TMCO1: variants seen among roughly 807,000 people sequenced by gnomAD.
TMCO1 encodes transmembrane and coiled-coil domains 1.
A neutral mutation model predicts 29.3 loss-of-function variants in TMCO1; 29 were observed. The ratio of observed to expected loss-of-function variants is 0.99; its 90% CI spans 0.74 to 1.35. The LOEUF (loss-of-function observed/expected upper bound fraction) is 1.35, where lower values mean the gene tolerates loss of function less well. Among genes scored for constraint, TMCO1 ranks in the 40% most tolerant of loss-of-function variants. The probability of loss-of-function intolerance (pLI) is 0.00; values close to 1 mark genes in which losing one functional copy is unlikely to be tolerated. For missense variants in TMCO1, 173 were observed against 225.5 expected (o/e 0.77, Z 1.49); for synonymous variants, 80 against 77.1 (o/e 1.04, Z -0.20).
intron 4 of TMCO1, among the ~76,000 whole-genome samples, chr1:165,753,463 ACT>A (rs1293776145): frequency 8.4e-6 from 1 of 118,504 alleles, no homozygotes; most frequent in African/African-American, 3.2e-5. Context: ...ATAGAGCAAG[ACT>A]CTGTCTCAAA....
chr1:165,768,427 AAAC>A (rs1226297977), intron 1 of TMCO1, 158 bp from the exon 2 acceptor site: 1 of 1,520,620 alleles, frequency 6.6e-7, no homozygotes, highest in Non-Finnish European at 8.9e-7. Flanking sequence ...TCTTCAGCCA[AAAC>A]AACAGTAACA....
At chr1:165,758,292 C>G (rs1453483999) in intron 3 of TMCO1, among the ~76,000 whole-genome samples, 10 of 152,158 alleles carry the variant, frequency 6.6e-5, no homozygotes, top group Admixed American at 5.9e-4. Flanking sequence ...CATAGTGGCT[C>G]ATGTCTACAA....
intron 6 of TMCO1, among the ~76,000 whole-genome samples, chr1:165,741,598 T>C (rs1651598210): frequency 6.6e-6 from 1 of 152,206 alleles, no homozygotes; most frequent in South Asian, 2.1e-4. Context: ...GGGATATGAA[T>C]TGGGAAAAAA....
chr1:165,751,181 T>C (rs541526512), intron 5 of TMCO1, among the ~76,000 whole-genome samples: 1 of 152,346 alleles, frequency 6.6e-6, no homozygotes, highest in East Asian at 1.9e-4. Flanking sequence ...AACAGTAATT[T>C]ACCTTATCAT....
At chr1:165,755,538 G>T (rs1166708916) in intron 3 of TMCO1, among the ~76,000 whole-genome samples, 4 of 152,060 alleles carry the variant, frequency 2.6e-5, no homozygotes, top group Non-Finnish European at 5.9e-5. Context: ...AGGCATGGTG[G>T]TATATGCCTG....
intron 5 of TMCO1, among the ~76,000 whole-genome samples, chr1:165,749,570 T>A (rs769630114): frequency 1.3e-5 from 2 of 152,150 alleles, no homozygotes; most frequent in Non-Finnish European, 2.9e-5. Context: ...AGGCCAGAGG[T>A]AGGGATCACT....
At chr1:165,739,283 G>A (rs767586096) in intron 6 of TMCO1, among the ~76,000 whole-genome samples, 3 of 152,170 alleles carry the variant, frequency 2.0e-5, no homozygotes, top group Non-Finnish European at 2.9e-5. Context: ...TTGCCGATCC[G>A]CACTGAAAAT....
At chr1:165,758,026 A>C (rs1038398083) in intron 3 of TMCO1, among the ~76,000 whole-genome samples, 1 of 146,150 alleles carries the variant, frequency 6.8e-6, no homozygotes, top group Non-Finnish European at 1.5e-5. Context: ...TGCATTCTCA[A>C]TGTCTGCATT....
intron 4 of TMCO1, 122 bp from the exon 5 acceptor site, chr1:165,752,291 G>A: frequency 1.4e-6 from 1 of 713,138 alleles, no homozygotes; most frequent in Non-Finnish European, 2.3e-6. Flanking sequence ...GTCTTGCTCT[G>A]TCTCCCAGGC....
chr1:165,733,672 G>T (rs1271085256), intron 6 of TMCO1, among the ~76,000 whole-genome samples: 1 of 152,114 alleles, frequency 6.6e-6, no homozygotes, highest in Non-Finnish European at 1.5e-5. Flanking sequence ...AAGATGCTAT[G>T]AAAGAAAATA....
chr1:165,747,350 T>C lies in TMCO1; in HGVS notation c.324-4039A>G, dbSNP rs185223258. Among the ~76,000 whole-genome samples, 341 of 151,714 alleles carry C rather than the reference T, an allele frequency of 2.2e-3. 5 individuals are homozygous for C. The highest frequency in any genetic ancestry group is 7.9e-3 in the African/African-American group (328 of 41,454). ...ACTAGAAAATATGAAATATTACTTATACTTATTTGGAAAGAAACTACAGAA... is the reference window on the plus strand; with the variant it reads ...ACTAGAAAATATGAAATATTACTTACACTTATTTGGAAAGAAACTACAGAA... On this transcript the variant is annotated intron_variant, in intron 5 of 6. Transcript: ENST00000367881.
chr1:165,725,301 C>T (rs1033147208), downstream of TMCO1: 1 of 453,872 alleles, frequency 2.2e-6, no homozygotes, highest in African/African-American at 2.0e-5. Flanking sequence ...GAAGCTCTAT[C>T]AATTGTCTGA....
downstream of TMCO1, chr1:165,724,775 G>A (rs1173419548): frequency 2.2e-6 from 1 of 453,624 alleles, no homozygotes; most frequent in African/African-American, 2.0e-5. Context: ...ATTATATTAA[G>A]GAATTGTCCA....
intron 2 of TMCO1, among the ~76,000 whole-genome samples, chr1:165,764,924 G>A (rs1026039448): frequency 2.6e-5 from 4 of 152,222 alleles, no homozygotes; most frequent in Non-Finnish European, 5.9e-5. Context: ...ACTAGGTGGT[G>A]ATGGGAGAAA....
downstream of TMCO1, chr1:165,724,733 C>G (rs755799728): frequency 2.2e-6 from 1 of 453,288 alleles, no homozygotes; most frequent in Non-Finnish European, 4.4e-6. Context: ...TTCCAAAAAA[C>G]TGCAAAAATT....
rs1381710071 is a variant in TMCO1 at position 165,727,448 on chromosome 1, T to C, written c.*575A>G. ...GAGTCAAGTATGGCAAAAAGTACAG[T>C]ACCTTAAAAACTTTTATTTTAGTCC... On this transcript the variant is annotated 3_prime_UTR_variant, in exon 7 of 7. Coordinates refer to ENST00000367881, the MANE Select transcript of TMCO1 (RefSeq NM_019026.6). The C allele has an allele frequency of 2.2e-6, 1 of 453,740 alleles. No individual in the cohort carries two copies. The highest frequency in any genetic ancestry group is 6.9e-4 in the Middle Eastern group (1 of 1,444). 28.1% of individuals were successfully genotyped at this position (453,740 alleles called of 1,614,324 possible). A position where few individuals can be genotyped will look rare whatever the true frequency, so the allele number is the denominator to read the frequency against.
chr1:165,739,092 A>T (rs12063717), intron 6 of TMCO1, among the ~76,000 whole-genome samples: 5,609 of 152,072 alleles, frequency 0.037, 328 homozygotes, highest in African/African-American at 0.13. Flanking sequence ...ACATATGAAA[A>T]TTTTTTGTGT....
rs1650963953 is a variant in TMCO1, at chr1:165,727,750, C to G, written c.*273G>C. The G allele has an allele frequency of 2.2e-6, 1 of 462,112 alleles. No individual in the cohort carries two copies. Among genetic ancestry groups the G allele is most frequent in the Admixed American group, 2.3e-5 (1 of 42,714 alleles). The allele number at this position is 462,112 out of a possible 1,614,324, so 28.6% of individuals were successfully genotyped here. A position where few individuals can be genotyped will look rare whatever the true frequency, so the allele number is the denominator to read the frequency against. Reference sequence around the variant, plus strand: ...ACAGAAAATACTTATGTAAATGAAACAAGAAGGATGCTATTTGTTTTTCAT... The same window carrying G: ...ACAGAAAATACTTATGTAAATGAAAGAAGAAGGATGCTATTTGTTTTTCAT... On this transcript the variant is annotated 3_prime_UTR_variant, in exon 7 of 7. Coordinates refer to ENST00000367881, the MANE Select transcript of TMCO1 (RefSeq NM_019026.6).
Position 165,768,688 on chromosome 1 carries a change from C to A in TMCO1, c.64G>T (p.Ala22Ser). ...GAGAAATACCCGCTCTCACCCTCTG[C>A]GAGCAGAGCCGTGCACACAGAGATA... ...VFISVCTALL[A>S]EGITWVLVYR... is the part of the protein sequence containing the mutation. The change falls in exon 1 of 7, where the codon GCA becomes TCA. Residue 22 changes from alanine (A) to serine (S), a missense_variant. Coordinates refer to ENST00000367881, the MANE Select transcript of TMCO1 (RefSeq NM_019026.6). 1 of 1,614,148 alleles carries A rather than the reference C, an allele frequency of 6.2e-7. No homozygotes were observed. Among genetic ancestry groups the A allele is most frequent in the Non-Finnish European group, 8.5e-7 (1 of 1,180,022 alleles).
Sources: gnomAD v4.1 joint callset for allele counts (sites outside exome capture counted in the v4.1 genomes callset) on GRCh38, gnomAD v4.1.1 for gene constraint, MANE v1.5 for transcripts, NCBI Gene and HGNC (gene_info 2026-07-23, HGNC 2026-07-21) for gene names.